RASSF4: variants seen among roughly 807,000 people sequenced by gnomAD.
The protein encoded by RASSF4 is ras association domain-containing protein 4.
Under a neutral mutation model 41.1 loss-of-function variants are expected in RASSF4, and 38 were observed. The observed-to-expected ratio is 0.92, with a 90% CI of 0.71 to 1.21. The LOEUF (loss-of-function observed/expected upper bound fraction) is 1.21. Ranked by LOEUF, RASSF4 falls within the 50% of genes most tolerant of loss-of-function variation. RASSF4 has a pLI of 0.00. For missense variants in RASSF4, 414 were observed against 419.4 expected, an observed-to-expected ratio of 0.99 and a Z score of 0.11; for synonymous variants, 179 against 163.4, an observed-to-expected ratio of 1.10 and a Z score of -0.73.
intron 1 of RASSF4, among the ~76,000 whole-genome samples, chr10:44,967,413 G>C (rs1199320694): frequency 6.6e-6 from 1 of 152,192 alleles, no homozygotes; most frequent in Non-Finnish European, 1.5e-5. Flanking sequence ...GCATTCCAGG[G>C]ACAGTGCATG....
intron 5 of RASSF4, 72 bp downstream of exon 5, chr10:44,984,185 C>T: frequency 2.2e-6 from 3 of 1,394,390 alleles, no homozygotes; most frequent in Non-Finnish European, 2.9e-6. Context: ...TGGCTCACAA[C>T]CACAATCTCC....
intron 8 of RASSF4, 56 bp downstream of exon 8, chr10:44,989,777 C>A: frequency 6.8e-7 from 1 of 1,461,024 alleles, no homozygotes; most frequent in Non-Finnish European, 9.6e-7. Context: ...ACCTGTTCAG[C>A]AAGCCCCCTC....
At position 44,982,576 on chromosome 10, in the gene RASSF4, G is replaced by A. The variant is rs148901129; in HGVS notation, c.194G>A (p.Arg65Gln). 2.7e-5 allele frequency: 44 copies of A among 1,612,572 alleles called. No homozygotes were observed. In the Middle Eastern group the frequency reaches 5.0e-4, roughly 18 times the overall value. The change falls in exon 4 of 11, where the codon CGG becomes CAG. Residue 65 changes from arginine (R) to glutamine (Q), a missense_variant. Physicochemically the swap from Arg to Gln is conservative, Grantham distance 43 (BLOSUM62 1). Transcript: ENST00000340258. Reference protein sequence around the residue: ...GLLNIAWGLRRPIRLQMQDDR... With the variant: ...GLLNIAWGLRQPIRLQMQDDR... ...CTCAACATTGCCTGGGGGCTGAGGC[G>A]GCCCATCCGGCTGCAGATGCAGGAT... is the stretch of plus-strand genomic sequence containing the variant.
Position 44,991,904 on chromosome 10 carries a change from G to A in RASSF4, c.808-1G>A. On this transcript the variant is annotated splice_acceptor_variant, in intron 9 of 10. Transcript: ENST00000340258. LOFTEE classifies it high-confidence loss of function. ...CATTAAAATGTTCTTGGATTTTCTA[G>A]GTCGCTCAGTACATTAAGTTTGAAA... 6.2e-7 allele frequency: 1 copy of A among 1,600,578 alleles called. No individual in the cohort carries two copies. Among genetic ancestry groups the A allele is most frequent in the Non-Finnish European group, 8.5e-7 (1 of 1,170,190 alleles).
intron 1 of RASSF4, among the ~76,000 whole-genome samples, chr10:44,967,885 C>T (rs930041018): frequency 7.2e-5 from 11 of 152,140 alleles, no homozygotes; most frequent in African/African-American, 2.7e-4. Context: ...GCTGCCCCAA[C>T]ATGGACTGGG....
Position 44,980,555 on chromosome 10 carries a change from C to T in RASSF4, c.139-1966C>T, listed in dbSNP as rs552860459. Among the ~76,000 whole-genome samples, 3 of 152,346 alleles carry T rather than the reference C, an allele frequency of 2.0e-5. No homozygotes were observed. The East Asian group carries it at 5.8e-4, about 29-fold the overall frequency. ...TCCCCAGTACAGCCAAGCCCCCGAC[C>T]TTGTCCAGGCAGGTCCTGAGGTCAG... On this transcript the variant is annotated intron_variant, in intron 3 of 10. Transcript: ENST00000340258.
chr10:44,990,814 A>C (rs879532987), intron 8 of RASSF4, 134 bp from the exon 9 acceptor site: 6 of 813,388 alleles, frequency 7.4e-6, no homozygotes, highest in Non-Finnish European at 1.2e-5. Flanking sequence ...CTCTCAGGGC[A>C]GCGCTGTTAG....
intron 3 of RASSF4, among the ~76,000 whole-genome samples, chr10:44,972,625 G>A (rs1443300366): frequency 1.3e-5 from 2 of 152,388 alleles, no homozygotes; most frequent in Admixed American, 1.3e-4. Context: ...GGCAAGTGGA[G>A]CCCTAGTCTT....
intron 4 of RASSF4, 137 bp downstream of exon 4, chr10:44,982,800 C>T: frequency 2.1e-6 from 2 of 937,460 alleles, no homozygotes; most frequent in South Asian, 3.0e-5. Flanking sequence ...TCCCCATGCC[C>T]TGTGACTGCC....
At chr10:44,966,232 T>C (rs1433938471) in intron 1 of RASSF4, among the ~76,000 whole-genome samples, 1 of 152,140 alleles carries the variant, frequency 6.6e-6, no homozygotes, top group Admixed American at 6.6e-5. Context: ...GCATTTTCTA[T>C]GAATAAGTAA....
At chr10:44,969,076 G>A (rs1035521559) in intron 1 of RASSF4, among the ~76,000 whole-genome samples, 1 of 151,102 alleles carries the variant, frequency 6.6e-6, no homozygotes, top group African/African-American at 2.4e-5. Flanking sequence ...GAATGTATGT[G>A]TGTGTGCATG....
At chr10:44,963,956 C>T (rs144596414) in intron 1 of RASSF4, among the ~76,000 whole-genome samples, 4 of 152,368 alleles carry the variant, frequency 2.6e-5, no homozygotes, top group Non-Finnish European at 5.9e-5. Context: ...TTTCGTGTCA[C>T]GAAAGCCTCA....
Position 44,995,006 on chromosome 10 carries a change from A to C in RASSF4, c.*1677A>C, listed in dbSNP as rs1379705871. On this transcript the variant is annotated 3_prime_UTR_variant, in exon 11 of 11. Transcript: ENST00000340258. Reference sequence around the variant, plus strand: ...TCACCCCGAGTCACAGAATCTTAGCATCAGGAGGGCCCCAAGAATCTTCCA... The same window carrying C: ...TCACCCCGAGTCACAGAATCTTAGCCTCAGGAGGGCCCCAAGAATCTTCCA... 3 of 152,314 alleles carry C rather than the reference A, an allele frequency of 2.0e-5. No homozygotes were observed. The highest frequency in any genetic ancestry group is 3.8e-4 in the East Asian group (2 of 5,202). The allele number at this position is 152,314 out of a possible 1,614,324, so 9.4% of individuals were successfully genotyped here.
At chr10:44,982,716 G>C in intron 4 of RASSF4, 53 bp downstream of exon 4, 1 of 1,581,404 alleles carries the variant, frequency 6.3e-7, no homozygotes, top group Non-Finnish European at 8.6e-7. Flanking sequence ...TCCCGGGTTG[G>C]GGATATCCCG....
At chr10:44,961,102 C>T (rs994635855) in intron 1 of RASSF4, among the ~76,000 whole-genome samples, 1 of 152,106 alleles carries the variant, frequency 6.6e-6, no homozygotes, top group African/African-American at 2.4e-5. Flanking sequence ...AAAATGCTGG[C>T]CGGAAATTGT....
intron 2 of RASSF4, chr10:44,970,797 T>C (rs1192865969): frequency 1.9e-5 from 3 of 154,104 alleles, no homozygotes; most frequent in Admixed American, 1.9e-4. Flanking sequence ...TCCAGTCATG[T>C]TGGAAGGCGA....
At chr10:44,990,859 A>G in intron 8 of RASSF4, 89 bp from the exon 9 acceptor site, 1 of 1,406,388 alleles carries the variant, frequency 7.1e-7, no homozygotes, top group South Asian at 1.3e-5. Context: ...CTGCGCCCCT[A>G]GACGCACATT....
intron 3 of RASSF4, among the ~76,000 whole-genome samples, chr10:44,978,415 G>A (rs1053302955): frequency 6.6e-6 from 1 of 152,106 alleles, no homozygotes; most frequent in Non-Finnish European, 1.5e-5. Flanking sequence ...CATAAAACAG[G>A]GTTATAAATA....
In RASSF4 at chr10:44,982,644, A is replaced by G. The variant is rs870957; in HGVS notation, c.262A>G (p.Arg88Gly). 307,412 of 1,612,882 alleles carry G rather than the reference A, an allele frequency of 0.19. 31,566 individuals carry two copies. The highest frequency in any genetic ancestry group is 0.34 in the African/African-American group (25,537 of 74,928). ...CCTCCCCTCCACCTCATGGATGCCC[A>G]GACGGCCTAGCTGCCCTCTGTGAGT... ...VHLPSTSWMPRRPSCPLKEPS... is the reference protein window; with the variant it reads ...VHLPSTSWMPGRPSCPLKEPS... The change falls in exon 4 of 11, where the codon AGA becomes GGA. Residue 88 changes from arginine to glycine, a missense_variant. Physicochemically the swap from Arg to Gly is moderately radical, Grantham distance 125. Transcript: ENST00000340258.
Sources: allele counts gnomAD v4.1 joint callset (sites outside exome capture counted in the v4.1 genomes callset), GRCh38; gene constraint gnomAD v4.1.1; transcripts MANE v1.5; gene names NCBI Gene and HGNC (gene_info 2026-07-23, HGNC 2026-07-21).